Variants in RARB observed in about 807,000 individuals in gnomAD.
RARB encodes HBV-activated protein.
RARB carries 17 observed loss-of-function variants against 51.9 expected under a neutral mutation model. That is an observed-to-expected ratio of 0.33 (90% CI 0.22 to 0.49). The LOEUF (loss-of-function observed/expected upper bound fraction) is 0.49, where lower values mean the gene tolerates loss of function less well. Ranked by LOEUF, RARB falls within the 20% of genes least tolerant of loss-of-function variation. The pLI, the probability that RARB is intolerant of heterozygous loss-of-function variation, is 0.99. For synonymous variants in RARB, 215 were observed against 195.4 expected (o/e 1.10, Z -0.84); for missense variants, 369 against 550.8 (o/e 0.67, Z 3.30).
intron 4 of RARB, among the ~76,000 whole-genome samples, chr3:25,574,390 C>T (rs1700836673): frequency 6.6e-6 from 1 of 152,218 alleles, no homozygotes; most frequent in Non-Finnish European, 1.5e-5. Context: ...CAGTTTCCGG[C>T]ACAGAGGAGT....
intron 5 of RARB, among the ~76,000 whole-genome samples, chr3:25,407,900 A>G (rs907375994): frequency 1.3e-5 from 2 of 152,134 alleles, no homozygotes; most frequent in South Asian, 2.1e-4. Context: ...TTTTAGGAGG[A>G]TAAGTTCCAA....
intron 2 of RARB, among the ~76,000 whole-genome samples, chr3:24,875,658 G>T (rs771320755): frequency 1.3e-5 from 2 of 152,018 alleles, no homozygotes; most frequent in African/African-American, 4.8e-5. Flanking sequence ...ATTTCAGGGA[G>T]TTCCCATGTA....
At chr3:25,446,802 CAAAAAAAAAAA>C (rs5847356) in intron 1 of RARB, among the ~76,000 whole-genome samples, 2 of 69,076 alleles carry the variant, frequency 2.9e-5, no homozygotes, top group Non-Finnish European at 5.1e-5. Flanking sequence ...GACTCCGTCT[CAAAAAAAAAAA>C]AAAAAAAAAA....
intron 5 of RARB, among the ~76,000 whole-genome samples, chr3:25,345,656 C>G (rs1208567083): frequency 7.9e-6 from 1 of 127,270 alleles, no homozygotes; most frequent in African/African-American, 3.0e-5. Context: ...CAGAGTGAGA[C>G]TCCGTCTCAA....
At chr3:24,962,222 C>G (rs1458336950) in intron 2 of RARB, among the ~76,000 whole-genome samples, 1 of 151,308 alleles carries the variant, frequency 6.6e-6, no homozygotes, top group African/African-American at 2.4e-5. Context: ...AGCCACCTCG[C>G]CCGGCCCCTT....
intron 2 of RARB, among the ~76,000 whole-genome samples, chr3:25,032,888 A>G (rs556712322): frequency 5.9e-5 from 9 of 152,294 alleles, no homozygotes; most frequent in South Asian, 4.1e-4. Flanking sequence ...AAATAGTTCA[A>G]TTGTCATTTC....
chr3:24,891,784 A>C (rs6550924), intron 2 of RARB, among the ~76,000 whole-genome samples: 110,354 of 151,818 alleles, frequency 0.73, 41,099 homozygotes, highest in African/African-American at 0.87. Context: ...AGAGTAGATA[A>C]GTTGAGAAAG....
intron 5 of RARB, among the ~76,000 whole-genome samples, chr3:25,360,521 T>C (rs1488208738): frequency 3.9e-5 from 6 of 152,212 alleles, no homozygotes; most frequent in Non-Finnish European, 2.9e-5. Context: ...GTAATTATGA[T>C]GCCAGCTGGT....
At chr3:24,992,323 T>G (rs963138417) in intron 2 of RARB, among the ~76,000 whole-genome samples, 7 of 152,226 alleles carry the variant, frequency 4.6e-5, no homozygotes, top group African/African-American at 1.7e-4. Flanking sequence ...TTACCTGGTT[T>G]TGACGTCATG....
intron 4 of RARB, among the ~76,000 whole-genome samples, chr3:25,171,485 TAAAAAAAAAAAAAAA>T (rs10559921): frequency 2.0e-4 from 2 of 9,968 alleles, no homozygotes; most frequent in African/African-American, 4.9e-4. Flanking sequence ...ATAAGCAGTT[TAAAAAAAAAAAAAAA>T]AAAAAAAAAA....
intron 1 of RARB, among the ~76,000 whole-genome samples, chr3:25,431,869 TAAG>T (rs1708223789): frequency 6.6e-6 from 1 of 152,194 alleles, no homozygotes. Context: ...ACCCAAATTT[TAAG>T]TATTAAACAG....
chr3:25,043,084 T>C (rs1161121622), intron 2 of RARB, among the ~76,000 whole-genome samples: 1 of 152,198 alleles, frequency 6.6e-6, no homozygotes, highest in African/African-American at 2.4e-5. Flanking sequence ...GAGGGTGTTG[T>C]GTAAAAGGCT....
intron 2 of RARB, among the ~76,000 whole-genome samples, chr3:24,881,264 A>G (rs1254552047): frequency 6.6e-6 from 1 of 152,136 alleles, no homozygotes; most frequent in Non-Finnish European, 1.5e-5. Context: ...TAAATTACCC[A>G]GTTTCAGGTA....
chr3:25,239,320 T>C (rs1209317598), intron 5 of RARB, among the ~76,000 whole-genome samples: 1 of 152,228 alleles, frequency 6.6e-6, no homozygotes, highest in Non-Finnish European at 1.5e-5. Flanking sequence ...GTACCGTTTG[T>C]TGATTTTTTA....
intron 2 of RARB, among the ~76,000 whole-genome samples, chr3:24,891,784 A>T (rs6550924): frequency 2.6e-4 from 40 of 151,882 alleles, no homozygotes; most frequent in African/African-American, 9.4e-4. Flanking sequence ...AGAGTAGATA[A>T]GTTGAGAAAG....
At chr3:25,406,142 C>T (rs80181836) in intron 5 of RARB, among the ~76,000 whole-genome samples, 5,374 of 152,258 alleles carry the variant, frequency 0.035, 123 homozygotes, top group Middle Eastern at 0.065. Flanking sequence ...CATGACCAGG[C>T]ATCTGTCCAT....
intron 3 of RARB, among the ~76,000 whole-genome samples, chr3:25,566,357 T>C (rs1700494732): frequency 6.6e-6 from 1 of 152,176 alleles, no homozygotes; most frequent in South Asian, 2.1e-4. Flanking sequence ...TTTATTCACA[T>C]AGACAGTGGT....
intron 7 of RARB, among the ~76,000 whole-genome samples, 179 bp from the exon 8 acceptor site, chr3:25,596,241 G>A (rs1433895494): frequency 1.3e-5 from 2 of 152,134 alleles, no homozygotes; most frequent in African/African-American, 2.4e-5. Flanking sequence ...GTATTTATGA[G>A]TGTGATAGTA....
intron 5 of RARB, among the ~76,000 whole-genome samples, chr3:25,368,892 T>G (rs952246101): frequency 6.6e-6 from 1 of 152,210 alleles, no homozygotes; most frequent in South Asian, 2.1e-4. Flanking sequence ...GCTGCCCGTT[T>G]GCACTGTTAT....
Sources: gnomAD v4.1 joint callset for allele counts (sites outside exome capture counted in the v4.1 genomes callset) on GRCh38, gnomAD v4.1.1 for gene constraint, MANE v1.5 for transcripts, NCBI Gene and HGNC (gene_info 2026-07-23, HGNC 2026-07-21) for gene names.